EFR3B: variants seen among roughly 807,000 people sequenced by gnomAD.
EFR3B encodes the protein EFR3 homolog B, also known as protein EFR3 homolog B.
A neutral mutation model predicts 104.7 loss-of-function variants in EFR3B; 64 were observed. The ratio of observed to expected loss-of-function variants is 0.61; its 90% CI spans 0.50 to 0.75. EFR3B has a LOEUF of 0.75. Among genes scored for constraint, EFR3B ranks in the 30% least tolerant of loss-of-function variants. EFR3B has a pLI of 0.00. For synonymous variants in EFR3B, 385 were observed against 417.9 expected, an observed-to-expected ratio of 0.92 and a Z score of 0.96; for missense variants, 750 against 1,078.5, an observed-to-expected ratio of 0.70 and a Z score of 4.27.
intron 18 of EFR3B, 36 bp from the exon 19 acceptor site, chr2:25,144,924 C>A (rs2149211873): frequency 6.5e-7 from 1 of 1,540,818 alleles, no homozygotes; most frequent in Non-Finnish European, 8.8e-7. Flanking sequence ...TCTCTGAGGG[C>A]TGGGAACTAA....
chr2:25,103,816 C>T (rs779673303), intron 4 of EFR3B, 29 bp downstream of exon 4: 2 of 1,549,382 alleles, frequency 1.3e-6, no homozygotes, highest in East Asian at 4.9e-5. Context: ...GGCTCCAGGT[C>T]TCCCAGCCGC....
intron 1 of EFR3B, among the ~76,000 whole-genome samples, chr2:25,066,708 T>G (rs1228592997): frequency 6.6e-6 from 1 of 152,248 alleles, no homozygotes; most frequent in East Asian, 1.9e-4. Flanking sequence ...CAGGGACTTG[T>G]GCATTCTATT....
rs188842896 is a variant in EFR3B at position 25,098,992 on chromosome 2, G to A, written c.213-4645G>A. Among the ~76,000 whole-genome samples the A allele has an allele frequency of 1.6e-4, 24 of 151,920 alleles. 1 individual carries two copies. The East Asian group carries it at 1.9e-3, about 12-fold the overall frequency. Reference sequence around the variant, plus strand: ...TGCCCAACCCCACCCCTTCCTTTACGTCATGTAAACACTGTAATAATGGTG... The same window carrying A: ...TGCCCAACCCCACCCCTTCCTTTACATCATGTAAACACTGTAATAATGGTG... On this transcript the variant is annotated intron_variant, in intron 3 of 22. Coordinates refer to ENST00000403714, the MANE Select transcript of EFR3B (RefSeq NM_014971.2).
At chr2:25,044,959 C>T (rs971707478) in intron 1 of EFR3B, among the ~76,000 whole-genome samples, 1 of 152,158 alleles carries the variant, frequency 6.6e-6, no homozygotes, top group Non-Finnish European at 1.5e-5. Context: ...ATCCAGGAGC[C>T]CTTTCATGGC....
intron 3 of EFR3B, among the ~76,000 whole-genome samples, chr2:25,096,590 C>T (rs953384414): frequency 1.3e-5 from 2 of 152,130 alleles, no homozygotes; most frequent in Admixed American, 1.3e-4. Context: ...CCCAGCCAAG[C>T]CCACCACCCC....
rs549997335 is a variant in EFR3B at position 25,055,587 on chromosome 2, A to G, written c.7+13268A>G. ...CATCCCACCCTTGTCGTAGCTATTCATAAAGACTTCTTTCCATATCCCCAC... is the reference window on the plus strand; with the variant it reads ...CATCCCACCCTTGTCGTAGCTATTCGTAAAGACTTCTTTCCATATCCCCAC... On this transcript the variant is annotated intron_variant, in intron 1 of 22. Coordinates refer to ENST00000403714, the MANE Select transcript of EFR3B (RefSeq NM_014971.2). Among the ~76,000 whole-genome samples the G allele has an allele frequency of 9.1e-4, 138 of 152,352 alleles. 1 individual carries two copies. Among genetic ancestry groups the G allele is most frequent in the African/African-American group, 3.2e-3 (132 of 41,576 alleles).
At chr2:25,071,478 C>G (rs1186511147) in intron 1 of EFR3B, among the ~76,000 whole-genome samples, 2 of 151,968 alleles carry the variant, frequency 1.3e-5, no homozygotes, top group African/African-American at 4.8e-5. Context: ...CCAGGCCGGT[C>G]TTGAACTCCT....
chr2:25,148,740 GT>G (rs1198407969), intron 19 of EFR3B, among the ~76,000 whole-genome samples: 34 of 149,954 alleles, frequency 2.3e-4, no homozygotes, highest in Admixed American at 9.3e-4. Flanking sequence ...GGCTAAAACG[GT>G]GAAACCCCGT....
chr2:25,059,581 G>GGT (rs1553385066), intron 1 of EFR3B, among the ~76,000 whole-genome samples: 1 of 139,876 alleles, frequency 7.1e-6, no homozygotes, highest in Non-Finnish European at 1.5e-5. Context: ...GCGGGGGGGG[G>GGT]GGGGGTGGAG....
intron 5 of EFR3B, among the ~76,000 whole-genome samples, chr2:25,123,359 C>CAA (rs58615324): frequency 7.9e-4 from 93 of 118,316 alleles, no homozygotes; most frequent in South Asian, 2.7e-3. Context: ...GACCCTGTCT[C>CAA]AAAAAAAAAA....
At chr2:25,121,922 C>T (rs913228849) in intron 5 of EFR3B, 128 bp downstream of exon 5, 30 of 1,312,008 alleles carry the variant, frequency 2.3e-5, no homozygotes, top group East Asian at 5.1e-5. Flanking sequence ...CTGATGTTGC[C>T]GGGCAGGTGG....
chr2:25,093,022 A>G lies in EFR3B; in HGVS notation c.104A>G (p.Asn35Ser). The G allele has an allele frequency of 1.9e-6, 3 of 1,547,790 alleles. No homozygotes were observed. Among genetic ancestry groups the G allele is most frequent in the Non-Finnish European group, 2.6e-6 (3 of 1,146,964 alleles). The change falls in exon 3 of 23, where the codon AAC (asparagine) becomes AGC (serine). Residue 35 changes from asparagine (N) to serine (S), a missense_variant. By Grantham distance (46) the Asn-to-Ser change is conservative (BLOSUM62 1). Coordinates refer to ENST00000403714, the MANE Select transcript of EFR3B (RefSeq NM_014971.2). ...EDPEDGLVKT[N>S]MEKLTFYALS... ...CTACAGGATGGTCTGGTGAAGACCA[A>G]CATGGAGAAGCTGACCTTCTATGCC...
chr2:25,121,715 C>T lies in EFR3B; in HGVS notation c.406C>T (p.His136Tyr). 6.4e-7 allele frequency: 1 copy of T among 1,551,756 alleles called. No individual in the cohort carries two copies. Among genetic ancestry groups the T allele is most frequent in the Non-Finnish European group, 8.7e-7 (1 of 1,147,002 alleles). ...CATCGAGGAGGACACCCCGTCCTAT[C>T]ACCGGAGCTATGACTTCTTTGTGTC... ...ANIEEDTPSY[H>Y]RSYDFFVSRF... Residue 136 changes from histidine (H) to tyrosine (Y), a missense_variant, in exon 5 of 23, where the codon CAC (histidine) becomes TAC (tyrosine). Transcript: ENST00000403714.
At chr2:25,116,677 G>C (rs1010694297) in intron 4 of EFR3B, among the ~76,000 whole-genome samples, 1 of 151,722 alleles carries the variant, frequency 6.6e-6, no homozygotes. Context: ...CAGGGAAGAG[G>C]AGTACAGAAG....
At chr2:25,058,947 T>G (rs1295202202) in intron 1 of EFR3B, among the ~76,000 whole-genome samples, 1 of 151,964 alleles carries the variant, frequency 6.6e-6, no homozygotes, top group Non-Finnish European at 1.5e-5. Flanking sequence ...CTAATAGACA[T>G]AAACCCCAAA....
At chr2:25,070,380 A>G (rs2149174143) in intron 1 of EFR3B, among the ~76,000 whole-genome samples, 1 of 151,710 alleles carries the variant, frequency 6.6e-6, no homozygotes, top group East Asian at 2.0e-4. Flanking sequence ...TCCCACCTCA[A>G]TCTCCTGAGT....
At chr2:25,118,339 C>T (rs958746415) in intron 4 of EFR3B, among the ~76,000 whole-genome samples, 1 of 152,150 alleles carries the variant, frequency 6.6e-6, no homozygotes, top group East Asian at 1.9e-4. Flanking sequence ...TGTCTTTCTG[C>T]GTCTGATTTG....
Position 25,136,077 on chromosome 2 carries a change from A to C in EFR3B, c.1484+438A>C, listed in dbSNP as rs530431930. ...CGTGCCTGTAATCTCACACTTTGAG[A>C]GGCCAAGGTGGGATGATCACTTAAG... On this transcript the variant is annotated intron_variant, in intron 13 of 22. Coordinates refer to ENST00000403714, the MANE Select transcript of EFR3B (RefSeq NM_014971.2). The surrounding 1 kb of genome is among the most constrained non-coding windows in gnomAD (Gnocchi z 4.0). Among the ~76,000 whole-genome samples, 3 of 152,236 alleles carry C rather than the reference A, an allele frequency of 2.0e-5. No individual in the cohort carries two copies. The East Asian group carries it at 5.8e-4, about 29-fold the overall frequency.
chr2:25,078,201 C>T (rs1177158833), intron 1 of EFR3B, among the ~76,000 whole-genome samples: 1 of 152,194 alleles, frequency 6.6e-6, no homozygotes, highest in Admixed American at 6.5e-5. Context: ...TGCTGGAGTT[C>T]ATTAATGTCA....
Sources: gnomAD v4.1 joint callset for allele counts (sites outside exome capture counted in the v4.1 genomes callset) on GRCh38, gnomAD v4.1.1 for gene constraint, Gnocchi (gnomAD v3.1) non-coding constraint, MANE v1.5 for transcripts, NCBI Gene and HGNC (gene_info 2026-07-23, HGNC 2026-07-21) for gene names.